Variants in ADAMTS19 observed in about 807,000 individuals in gnomAD.
ADAMTS19 encodes the protein A disintegrin and metalloproteinase with thrombospondin motifs 19.
A neutral mutation model predicts 153.3 loss-of-function variants in ADAMTS19; 93 were observed. The observed-to-expected ratio is 0.61, with a 90% CI of 0.51 to 0.72. The LOEUF is 0.72. Ranked by LOEUF, ADAMTS19 falls within the 30% of genes least tolerant of loss-of-function variation. The pLI, the probability that ADAMTS19 is intolerant of heterozygous loss-of-function variation, is 0.00. For missense variants in ADAMTS19, 1,482 were observed against 1,552.1 expected (o/e 0.95, Z 0.76); for synonymous variants, 600 against 556.6 (o/e 1.08, Z -1.10).
At chr5:129,599,196 C>A (rs1019722138) in intron 8 of ADAMTS19, among the ~76,000 whole-genome samples, 2 of 151,970 alleles carry the variant, frequency 1.3e-5, no homozygotes, top group Middle Eastern at 3.2e-3. Context: ...GCTATAGATT[C>A]TTAATTCCAA....
intron 8 of ADAMTS19, among the ~76,000 whole-genome samples, chr5:129,599,889 A>G (rs1161612739): frequency 6.6e-6 from 1 of 151,972 alleles, no homozygotes; most frequent in Non-Finnish European, 1.5e-5. Flanking sequence ...ATGTTAAACT[A>G]CCCCTTTACT....
In ADAMTS19 at chr5:129,654,291, C is replaced by G. The variant is rs1490956495; in HGVS notation, c.2177-15C>G. ...GTAACTTTTTCTCATTTCTTTTTAT[C>G]TACTCTGTATGTAGAAAAACCATGT... On this transcript the variant is annotated splice_polypyrimidine_tract_variant and intron_variant, in intron 13 of 22. Coordinates refer to ENST00000274487, the MANE Select transcript of ADAMTS19 (RefSeq NM_133638.6). 6.4e-7 allele frequency: 1 copy of G among 1,570,420 alleles called. No homozygotes were observed. Among genetic ancestry groups the G allele is most frequent in the Non-Finnish European group, 8.6e-7 (1 of 1,165,984 alleles).
intron 8 of ADAMTS19, among the ~76,000 whole-genome samples, chr5:129,611,950 A>AT (rs1034087788): frequency 2.0e-5 from 3 of 152,032 alleles, no homozygotes; most frequent in Admixed American, 2.0e-4. Context: ...AACATTCTTA[A>AT]TTTTTGATCT....
At chr5:129,694,608 T>G (rs1482950962) in intron 18 of ADAMTS19, 112 bp from the exon 19 acceptor site, 9 of 655,076 alleles carry the variant, frequency 1.4e-5, no homozygotes. Flanking sequence ...AAAATTTAAA[T>G]TATAAAAAAG....
chr5:129,609,897 C>T (rs932026341), intron 8 of ADAMTS19, among the ~76,000 whole-genome samples: 3 of 152,102 alleles, frequency 2.0e-5, no homozygotes, highest in Non-Finnish European at 4.4e-5. Context: ...TTTTTCATGT[C>T]ACAGTTTCTC....
chr5:129,544,046 A>G lies in ADAMTS19; in HGVS notation c.1329-7818A>G, dbSNP rs992714320. 3.9e-5 allele frequency among the ~76,000 whole-genome samples: 6 copies of G among 152,126 alleles called. No homozygotes were observed. In the South Asian group the frequency reaches 1.0e-3, roughly 26 times the overall value. ...ACATTACTCTCGTAATTGAGTCTAT[A>G]TTTGTTTTGCATAGTCATCTCTTTC... On this transcript the variant is annotated intron_variant, in intron 6 of 22. Transcript: ENST00000274487.
rs189770446 is a variant in ADAMTS19 at position 129,515,933 on chromosome 5, G to A, written c.913+6691G>A. On this transcript the variant is annotated intron_variant, in intron 3 of 22. Coordinates refer to ENST00000274487, the MANE Select transcript of ADAMTS19 (RefSeq NM_133638.6). ...TACTAGCTGTAGGCCTGTGGCGTAT[G>A]ATTTTTATTATGTTGATGTATGTTC... Among the ~76,000 whole-genome samples, 612 of 151,892 alleles carry A rather than the reference G, an allele frequency of 4.0e-3. 5 individuals carry two copies. The highest frequency in any genetic ancestry group is 0.014 in the African/African-American group (581 of 41,496).
rs372852216 is a variant in ADAMTS19, at chr5:129,528,222, G to A, written c.1171-298G>A. Among the ~76,000 whole-genome samples, 5 of 151,968 alleles carry A rather than the reference G, an allele frequency of 3.3e-5. No homozygotes were observed. The South Asian group carries it at 1.0e-3, about 31-fold the overall frequency. Reference sequence around the variant, plus strand: ...GAAAATGGTGTTCTACATAGAAAATGTTGTTCTTAAATTGTAGAAACAAGT... The same window carrying A: ...GAAAATGGTGTTCTACATAGAAAATATTGTTCTTAAATTGTAGAAACAAGT... On this transcript the variant is annotated intron_variant, in intron 5 of 22. Transcript: ENST00000274487.
chr5:129,637,844 G>A (rs577081647), intron 10 of ADAMTS19, among the ~76,000 whole-genome samples: 7 of 152,172 alleles, frequency 4.6e-5, no homozygotes, highest in Admixed American at 4.6e-4. Flanking sequence ...GCGAGACTCT[G>A]TCTCCAAAAC....
intron 21 of ADAMTS19, among the ~76,000 whole-genome samples, chr5:129,731,442 G>T (rs376636876): frequency 3.9e-5 from 6 of 152,178 alleles, no homozygotes; most frequent in East Asian, 1.9e-4. Context: ...GATATAGTGG[G>T]ATACTGGGCT....
At chr5:129,559,383 G>A (rs899323455) in intron 7 of ADAMTS19, among the ~76,000 whole-genome samples, 2 of 151,842 alleles carry the variant, frequency 1.3e-5, no homozygotes, top group Admixed American at 1.3e-4. Flanking sequence ...ATACATCAAG[G>A]GTGAATTAAA....
chr5:129,631,536 A>G (rs991759427), intron 10 of ADAMTS19, among the ~76,000 whole-genome samples: 6 of 152,002 alleles, frequency 3.9e-5, no homozygotes, highest in African/African-American at 7.2e-5. Flanking sequence ...ACACTAATAC[A>G]GTTATTATTG....
chr5:129,668,760 G>T (rs534938545), intron 16 of ADAMTS19, among the ~76,000 whole-genome samples: 1 of 152,140 alleles, frequency 6.6e-6, no homozygotes, highest in Non-Finnish European at 1.5e-5. Context: ...TTTTATTGTG[G>T]TAAAATATAT....
At chr5:129,578,094 A>C (rs967252380) in intron 7 of ADAMTS19, among the ~76,000 whole-genome samples, 2 of 40,236 alleles carry the variant, frequency 5.0e-5, no homozygotes, top group African/African-American at 8.3e-5. Context: ...ATACATATAC[A>C]TACATATACA....
At chr5:129,514,706 T>C (rs1751542975) in intron 3 of ADAMTS19, among the ~76,000 whole-genome samples, 1 of 152,238 alleles carries the variant, frequency 6.6e-6, no homozygotes, top group East Asian at 1.9e-4. Context: ...GTCAGATGGA[T>C]AGTTTCCAAA....
chr5:129,523,611 C>T lies in ADAMTS19; in HGVS notation c.914-2673C>T, dbSNP rs150314921. On this transcript the variant is annotated intron_variant, in intron 3 of 22. Transcript: ENST00000274487. ...TACACCTCAATAAAGCTGTTATAATCGCAAATTTATTATTGAAGCACCATG... is the reference window on the plus strand; with the variant it reads ...TACACCTCAATAAAGCTGTTATAATTGCAAATTTATTATTGAAGCACCATG... Among the ~76,000 whole-genome samples the T allele has an allele frequency of 5.0e-3, 768 of 152,206 alleles. 4 individuals are homozygous for T. Among genetic ancestry groups the T allele is most frequent in the Non-Finnish European group, 6.8e-3 (461 of 68,002 alleles).
chr5:129,640,289 G>T (rs989921298), intron 10 of ADAMTS19, among the ~76,000 whole-genome samples: 4 of 152,034 alleles, frequency 2.6e-5, no homozygotes, highest in African/African-American at 9.7e-5. Flanking sequence ...GTTAAAAAAA[G>T]CTTACAAACA....
intron 13 of ADAMTS19, among the ~76,000 whole-genome samples, chr5:129,652,553 A>G (rs1233933637): frequency 1.3e-5 from 2 of 152,242 alleles, no homozygotes; most frequent in East Asian, 1.9e-4. Flanking sequence ...CCTGCCAAGT[A>G]TGGCATGTTA....
At chr5:129,627,387 C>T (rs986063866) in intron 10 of ADAMTS19, among the ~76,000 whole-genome samples, 1 of 151,916 alleles carries the variant, frequency 6.6e-6, no homozygotes, top group African/African-American at 2.4e-5. Context: ...AATGTAAAAC[C>T]TAAAACTGTA....
Sources: allele counts gnomAD v4.1 joint callset (sites outside exome capture counted in the v4.1 genomes callset), GRCh38; gene constraint gnomAD v4.1.1; transcripts MANE v1.5; gene names NCBI Gene and HGNC (gene_info 2026-07-23, HGNC 2026-07-21).